The following DST variants were observed in gnomAD, a reference collection of about 807,000 sequenced individuals.
DST encodes the protein bullous pemphigoid antigen.
Under a neutral mutation model 875.2 loss-of-function variants are expected in DST, and 253 were observed. The observed-to-expected ratio is 0.29, with a 90% CI of 0.26 to 0.32. DST has a LOEUF of 0.32. DST is among the 10% of genes least tolerant of loss of function. DST has a pLI of 1.00. For missense variants in DST, 8,287 were observed against 9,111.6 expected, an observed-to-expected ratio of 0.91 and a Z score of 3.68; for synonymous variants, 3,124 against 3,197.1, an observed-to-expected ratio of 0.98 and a Z score of 0.77.
chr6:56,660,964 T>C (rs2099037754), intron 10 of DST, among the ~76,000 whole-genome samples: 1 of 139,578 alleles, frequency 7.2e-6, no homozygotes, highest in Non-Finnish European at 1.5e-5. Context: ...ACATATCTAA[T>C]GAATTATGAC....
Position 56,561,475 on chromosome 6 carries a change from T to C in DST, c.14143A>G (p.Lys4715Glu), listed in dbSNP as rs756052997. Residue 4715 changes from lysine to glutamate, a missense_variant, in exon 57 of 104, where the codon AAA becomes GAA. Lys to Glu is a moderately conservative substitution (Grantham distance 56). This residue lies in a region of DST where 1,513 missense variants were observed against 1,677.8 expected (regional missense o/e 0.90). Coordinates refer to ENST00000680361, the MANE Select transcript of DST (RefSeq NM_001374736.1). ...YEDLGLLLKD[K>E]IAELNTKLSK... is the part of the protein sequence containing the mutation. ...AGTTTAGTGTTCAGTTCCGCTATTT[T>C]GTCCTTGAGTAAGAGGCCAAGATCT... 1.9e-6 allele frequency: 3 copies of C among 1,613,812 alleles called. No homozygotes were observed. The highest frequency in any genetic ancestry group is 2.7e-5 in the African/African-American group (2 of 74,936).
intron 4 of DST, among the ~76,000 whole-genome samples, chr6:56,794,737 G>A (rs2099736755): frequency 6.6e-6 from 1 of 152,144 alleles, no homozygotes. Flanking sequence ...AGCATGACAA[G>A]AGACATAAAT....
At chr6:56,677,763 G>A (rs1030981233) in intron 9 of DST, among the ~76,000 whole-genome samples, 3 of 152,100 alleles carry the variant, frequency 2.0e-5, no homozygotes, top group Admixed American at 2.0e-4. Flanking sequence ...GCTGGCTACT[G>A]CCCAAATTCA....
At chr6:56,851,277 C>G (rs13207768) in intron 4 of DST, 120 bp downstream of exon 4, 32 of 892,386 alleles carry the variant, frequency 3.6e-5, no homozygotes, top group Admixed American at 5.4e-5. Flanking sequence ...CATCCTCCCC[C>G]ACCTTGAGCA....
At chr6:56,902,941 TTCTC>T (rs139723497) in intron 2 of DST, among the ~76,000 whole-genome samples, 3 of 130,166 alleles carry the variant, frequency 2.3e-5, no homozygotes, top group Non-Finnish European at 4.8e-5. Context: ...CACACATTCA[TTCTC>T]TCTCTCTCTC....
intron 4 of DST, among the ~76,000 whole-genome samples, chr6:56,773,284 T>TTTTTATTC (rs1312460963): frequency 1.3e-5 from 2 of 151,902 alleles, no homozygotes; most frequent in East Asian, 3.8e-4. Context: ...TCTTTTATTC[T>TTTTTATTC]TTTTTTTAGC....
chr6:56,917,866 G>C, intron 2 of DST, among the ~76,000 whole-genome samples: 1 of 152,016 alleles, frequency 6.6e-6, no homozygotes, highest in East Asian at 1.9e-4. Context: ...AGATCTACTT[G>C]TGTGAAAATT....
At chr6:56,674,609 T>A (rs1049827699) in intron 9 of DST, among the ~76,000 whole-genome samples, 1 of 152,134 alleles carries the variant, frequency 6.6e-6, no homozygotes, top group African/African-American at 2.4e-5. Flanking sequence ...ACTTTCTTCA[T>A]CTTTAAAACT....
chr6:56,909,431 T>C (rs768056351), intron 2 of DST, among the ~76,000 whole-genome samples: 7 of 152,234 alleles, frequency 4.6e-5, no homozygotes, highest in Non-Finnish European at 1.0e-4. Context: ...TTGGCCAGCA[T>C]GACCTTTGAA....
rs563617138 is a variant in DST at position 56,928,481 on chromosome 6, C to T, written c.216+25304G>A. 7.2e-5 allele frequency among the ~76,000 whole-genome samples: 11 copies of T among 152,216 alleles called. No individual in the cohort carries two copies. The South Asian group carries it at 2.3e-3, about 32-fold the overall frequency. Reference sequence around the variant, plus strand: ...ATCTCAACCCAAAAGCCCACTTATGCTAATTAAGGAAACATCAGAGACTTT... The same window carrying T: ...ATCTCAACCCAAAAGCCCACTTATGTTAATTAAGGAAACATCAGAGACTTT... On this transcript the variant is annotated intron_variant, in intron 2 of 103. Transcript: ENST00000680361.
chr6:56,755,022 C>T (rs929461505), intron 4 of DST, among the ~76,000 whole-genome samples: 8 of 150,634 alleles, frequency 5.3e-5, no homozygotes, highest in Non-Finnish European at 8.8e-5. Context: ...TTTTCAGCTC[C>T]GAAGTACATT....
intron 4 of DST, among the ~76,000 whole-genome samples, chr6:56,813,571 A>C (rs1049711192): frequency 3.1e-4 from 47 of 152,158 alleles, no homozygotes; most frequent in African/African-American, 1.1e-3. Context: ...TTACAATACA[A>C]ATAAAACACG....
chr6:56,867,833 A>G (rs1415096088), intron 3 of DST, among the ~76,000 whole-genome samples: 1 of 148,406 alleles, frequency 6.7e-6, no homozygotes, highest in African/African-American at 2.5e-5. Context: ...CTCCGTCTCA[A>G]AAAAAAAAAA....
Position 56,471,149 on chromosome 6 carries a change from C to T in DST, c.22278G>A (p.Gly7426=), listed in dbSNP as rs769300712. The change falls in exon 95 of 104, where the codon GGG becomes GGA. Residue 7426 remains glycine, a synonymous_variant. Coordinates refer to ENST00000680361, the MANE Select transcript of DST (RefSeq NM_001374736.1). ...CAATAAATTCCTGCCGCGTTATTTT[C>T]CCATCCTGGTCTTTATCAATTCTCC... ...FFRRIDKDQD[G]KITRQEFIDG... is the part of the protein sequence containing the mutation. 1.2e-6 allele frequency: 2 copies of T among 1,611,040 alleles called. No homozygotes were observed. The highest frequency in any genetic ancestry group is 2.2e-5 in the East Asian group (1 of 44,802).
intron 4 of DST, among the ~76,000 whole-genome samples, chr6:56,824,694 C>T (rs138179248): frequency 0.12 from 18,065 of 151,798 alleles, 1,514 homozygotes; most frequent in Non-Finnish European, 0.18. Flanking sequence ...TGTGCCCAGC[C>T]GCCCCATCTG....
At chr6:56,621,319 C>CTTG (rs1233447857) in intron 36 of DST, among the ~76,000 whole-genome samples, 4 of 152,148 alleles carry the variant, frequency 2.6e-5, no homozygotes, top group Non-Finnish European at 5.9e-5. Context: ...GAAAATTATA[C>CTTG]AAAAACTTGA....
intron 64 of DST, among the ~76,000 whole-genome samples, 184 bp downstream of exon 64, chr6:56,532,160 C>T (rs1233109591): frequency 2.0e-5 from 3 of 152,104 alleles, no homozygotes; most frequent in Non-Finnish European, 4.4e-5. Context: ...TGGGATATAG[C>T]GGTGACAAGC....
At chr6:56,539,974 C>T (rs2097096528) in intron 61 of DST, among the ~76,000 whole-genome samples, 1 of 152,146 alleles carries the variant, frequency 6.6e-6, no homozygotes, top group African/African-American at 2.4e-5. Context: ...AAAAGCCTAA[C>T]ATTAACATAT....
chr6:56,866,218 G>A (rs188190057), intron 3 of DST, among the ~76,000 whole-genome samples: 10 of 152,090 alleles, frequency 6.6e-5, no homozygotes, highest in East Asian at 1.9e-4. Flanking sequence ...GGCTAGTCTC[G>A]AACACCTGAC....
Sources: gnomAD v4.1 joint callset for allele counts (sites outside exome capture counted in the v4.1 genomes callset) on GRCh38, gnomAD v4.1.1 for gene constraint, gnomAD v4.1.1 regional missense constraint, MANE v1.5 for transcripts, NCBI Gene and HGNC (gene_info 2026-07-23, HGNC 2026-07-21) for gene names.